The following SMARCA4 variants were observed in gnomAD, a reference collection of about 807,000 sequenced individuals.
SMARCA4 encodes SWI/SNF-related matrix-associated actin-dependent regulator of chromatin subfamily A member 4.
In SMARCA4, 31 loss-of-function variants were observed where a neutral mutation model predicts 193.9. The observed-to-expected ratio is 0.16, with a 90% CI of 0.12 to 0.22. The LOEUF (loss-of-function observed/expected upper bound fraction) is 0.22. Among genes scored for constraint, SMARCA4 ranks in the 10% least tolerant of loss-of-function variants. The pLI is 1.00. For synonymous variants in SMARCA4, 942 were observed against 933.1 expected (o/e 1.01, Z -0.17); for missense variants, 1,148 against 2,296.0 (o/e 0.50, Z 10.22).
rs924876036 is a variant in SMARCA4 at position 10,986,061 on chromosome 19, T to C, written c.356-128T>C. 4 of 821,056 alleles carry C rather than the reference T, an allele frequency of 4.9e-6. No individual in the cohort carries two copies. The highest frequency in any genetic ancestry group is 2.0e-5 in the Admixed American group (1 of 49,756). 50.9% of individuals were successfully genotyped at this position (821,056 alleles called of 1,614,324 possible). On this transcript the variant is annotated intron_variant, in intron 3 of 34. Coordinates refer to ENST00000344626, the MANE Select transcript of SMARCA4 (RefSeq NM_003072.5). This position sits in a 1 kb window ranked among gnomAD's most constrained non-coding sequence, Gnocchi z 6.7. ...GCATGTGCCCTCCAGGTGCCCCTGG[T>C]TGACTCAAGAGAAGGATGCCATTTG...
rs1007241549 is a variant in SMARCA4, at chr19:11,019,091, A to C, written c.2505+68A>C. On this transcript the variant is annotated intron_variant, in intron 17 of 34. Transcript: ENST00000344626. The surrounding 1 kb of genome is among the most constrained non-coding windows in gnomAD (Gnocchi z 6.1). ...GCAGGCGGTGGTGGGCAGGACGTCC[A>C]CACATACCTCTGGACAGTGAACCTG... is the stretch of plus-strand genomic sequence containing the variant. 2.2e-5 allele frequency: 26 copies of C among 1,173,102 alleles called. No individual in the cohort carries two copies. In the Admixed American group the frequency reaches 2.4e-4, roughly 11 times the overall value. 72.7% of individuals were successfully genotyped at this position (1,173,102 alleles called of 1,614,324 possible).
Position 10,974,689 on chromosome 19 carries a change from A to ATTTT in SMARCA4, c.-31-9400_-31-9397dup, listed in dbSNP as rs74182450. On this transcript the variant is annotated intron_variant, in intron 1 of 34. Transcript: ENST00000344626. The stretch of plus-strand genomic sequence containing the variant: ...TGCATATATATATATATATATATAT[A>ATTTT]TTTTTTTTTTTTTTTTTTTTTTTTT... Among the ~76,000 whole-genome samples the ATTTT allele has an allele frequency of 2.2e-4, 8 of 37,170 alleles. 2 individuals are homozygous for ATTTT. Among genetic ancestry groups the ATTTT allele is most frequent in the African/African-American group, 9.0e-4 (6 of 6,660 alleles). The allele number at this position is 37,170 out of a possible 152,430, so 24.4% of individuals were successfully genotyped here. A position where few individuals can be genotyped will look rare whatever the true frequency, so the allele number is the denominator to read the frequency against.
chr19:10,965,970 G>GT (rs372236923), intron 1 of SMARCA4, among the ~76,000 whole-genome samples: 1,032 of 79,000 alleles, frequency 0.013, 124 homozygotes, highest in South Asian at 0.029. Context: ...TAGTGGCATG[G>GT]TTTTTTTTTT....
At chr19:10,981,128 A>G (rs1002721948) in intron 1 of SMARCA4, among the ~76,000 whole-genome samples, 3 of 152,220 alleles carry the variant, frequency 2.0e-5, no homozygotes, top group Non-Finnish European at 4.4e-5. Context: ...ATATCACAGG[A>G]TCTATGAAGT....
chr19:11,046,021 A>G (rs999301039), intron 30 of SMARCA4, among the ~76,000 whole-genome samples: 1 of 152,200 alleles, frequency 6.6e-6, no homozygotes, highest in Non-Finnish European at 1.5e-5. Context: ...CAGGAGATCA[A>G]GACCATGCTG....
At position 10,984,103 on chromosome 19, in the gene SMARCA4, A is replaced by T. The variant is rs1599927422; in HGVS notation, c.-31-18A>T. The T allele has an allele frequency of 1.2e-6, 2 of 1,611,932 alleles. No individual in the cohort carries two copies. The highest frequency in any genetic ancestry group is 1.7e-6 in the Non-Finnish European group (2 of 1,178,810). ...GCCCTTGGTCATGAACCCCAGACTG[A>T]CCAGGACTGTCTTCCAGCAGGAGGC... On this transcript the variant is annotated intron_variant, in intron 1 of 34. Coordinates refer to ENST00000344626, the MANE Select transcript of SMARCA4 (RefSeq NM_003072.5). This position sits in a 1 kb window ranked among gnomAD's most constrained non-coding sequence, Gnocchi z 4.3.
In SMARCA4 at chr19:11,025,456, T is replaced by A. The variant is rs2146497099; in HGVS notation, c.3116T>A (p.Ile1039Asn). The A allele has an allele frequency of 1.2e-6, 2 of 1,610,546 alleles. No homozygotes were observed. Among genetic ancestry groups the A allele is most frequent in the Non-Finnish European group, 1.7e-6 (2 of 1,178,084 alleles). The change falls in exon 22 of 35, where the codon ATC (isoleucine) becomes AAC (asparagine). Residue 1039 changes from isoleucine (I) to asparagine (N), a missense_variant. Ile to Asn is a moderately radical substitution (Grantham distance 149). Coordinates refer to ENST00000344626, the MANE Select transcript of SMARCA4 (RefSeq NM_003072.5). ...GGCACCAAGACCCTGATGAACACCA[T>A]CATGCAGCTGCGGAAGATCTGCAAC... ...KGGTKTLMNT[I>N]MQLRKICNHP...
intron 15 of SMARCA4, 112 bp downstream of exon 15, chr19:11,010,643 T>C (rs2088739900): frequency 9.9e-7 from 1 of 1,009,538 alleles, no homozygotes; most frequent in African/African-American, 1.6e-5. Flanking sequence ...TTGCTCTTTG[T>C]GGGCAATGCA....
rs544551192 is a variant in SMARCA4, at chr19:11,030,902, G to C, written c.3546+9G>C. On this transcript the variant is annotated intron_variant, in intron 25 of 34. Coordinates refer to ENST00000344626, the MANE Select transcript of SMARCA4 (RefSeq NM_003072.5). The surrounding 1 kb of genome is among the most constrained non-coding windows in gnomAD (Gnocchi z 5.5). Reference sequence around the variant, plus strand: ...ACTGGAATCCTCACCAGGTAAAAGCGGGCCGGGCCCCAGGTCGAGGAGAAG... The same window carrying C: ...ACTGGAATCCTCACCAGGTAAAAGCCGGCCGGGCCCCAGGTCGAGGAGAAG... 1.2e-6 allele frequency: 2 copies of C among 1,608,748 alleles called. No homozygotes were observed. Among genetic ancestry groups the C allele is most frequent in the Non-Finnish European group, 1.7e-6 (2 of 1,177,970 alleles).
intron 9 of SMARCA4, chr19:10,995,683 G>C (rs1033904865): frequency 5.4e-6 from 2 of 369,346 alleles, no homozygotes; most frequent in Non-Finnish European, 1.1e-5. Flanking sequence ...GTAGCCCTGG[G>C]CTCCCAGAAC....
At chr19:10,993,178 G>T (rs2145911161) in intron 8 of SMARCA4, among the ~76,000 whole-genome samples, 1 of 151,262 alleles carries the variant, frequency 6.6e-6, no homozygotes, top group South Asian at 2.1e-4. Context: ...TAGAGATGGG[G>T]ATTCACCCTG....
At chr19:11,027,702 C>T (rs942364002) in intron 23 of SMARCA4, 82 bp from the exon 24 acceptor site, 17 of 1,491,006 alleles carry the variant, frequency 1.1e-5, no homozygotes, top group South Asian at 4.5e-5. Flanking sequence ...TGGAGGCGGG[C>T]GATGCACCTC....
In SMARCA4 at chr19:11,018,839, C is replaced by T. The variant is rs1474104893; in HGVS notation, c.2439-118C>T. 1.1e-5 allele frequency: 9 copies of T among 838,960 alleles called. No individual in the cohort carries two copies. In the African/African-American group the frequency reaches 1.3e-4, roughly 12 times the overall value. 52.0% of individuals were successfully genotyped at this position (838,960 alleles called of 1,614,324 possible). On this transcript the variant is annotated intron_variant, in intron 16 of 34. Coordinates refer to ENST00000344626, the MANE Select transcript of SMARCA4 (RefSeq NM_003072.5). ...AGCTGCCCTAAACACAGTTTCTCTG[C>T]CCACTCGGAGGGCTGTGGCCATGTT...
intron 8 of SMARCA4, among the ~76,000 whole-genome samples, chr19:10,992,806 TG>T (rs992873938): frequency 1.3e-5 from 2 of 152,128 alleles, no homozygotes; most frequent in South Asian, 2.1e-4. Flanking sequence ...GCCAGGCTGC[TG>T]GTCTCAGACT....
chr19:11,045,947 G>T (rs2075881274), intron 30 of SMARCA4, among the ~76,000 whole-genome samples: 1 of 152,124 alleles, frequency 6.6e-6, no homozygotes, highest in African/African-American at 2.4e-5. Context: ...AAAAAGTCTG[G>T]GTGTGGTGGC....
Position 10,985,166 on chromosome 19 carries a change from C to T in SMARCA4, c.223-107C>T, listed in dbSNP as rs959068888. On this transcript the variant is annotated intron_variant, in intron 2 of 34. Coordinates refer to ENST00000344626, the MANE Select transcript of SMARCA4 (RefSeq NM_003072.5). The surrounding 1 kb of genome is among the most constrained non-coding windows in gnomAD (Gnocchi z 4.5). ...GGACTGGGGAGATGCGCGTCATCTT[C>T]GGGTGGCTGTTCTCGGTGCCCTCGA... 2.1e-5 allele frequency: 24 copies of T among 1,162,754 alleles called. No homozygotes were observed. The highest frequency in any genetic ancestry group is 9.9e-5 in the South Asian group (8 of 80,412). The allele number at this position is 1,162,754 out of a possible 1,614,324, so 72.0% of individuals were successfully genotyped here. A position where few individuals can be genotyped will look rare whatever the true frequency, so the allele number is the denominator to read the frequency against.
In SMARCA4 at chr19:10,985,253, TG is replaced by T. The variant is rs2085921224; in HGVS notation, c.223-19del. 1.9e-6 allele frequency: 3 copies of T among 1,613,578 alleles called. No homozygotes were observed. The South Asian group carries it at 3.3e-5, about 18-fold the overall frequency. ...CACGTTCCACATGCTGACCCTGCCT[TG>T]CCATGGTCCCTCTCGCAGCCCATGG... On this transcript the variant is annotated intron_variant, in intron 2 of 34. Coordinates refer to ENST00000344626, the MANE Select transcript of SMARCA4 (RefSeq NM_003072.5). The surrounding 1 kb of genome is among the most constrained non-coding windows in gnomAD (Gnocchi z 4.5).
In SMARCA4 at chr19:11,019,779, G is replaced by A; in HGVS notation, c.2616+78G>A. ...GGTCACGCTGCCCGTCTCCTCCAAA[G>A]CCCCTACAAGTTTCTTCCCGGAGTC... On this transcript the variant is annotated intron_variant, in intron 18 of 34. Coordinates refer to ENST00000344626, the MANE Select transcript of SMARCA4 (RefSeq NM_003072.5). The surrounding 1 kb of genome is among the most constrained non-coding windows in gnomAD (Gnocchi z 6.1). The A allele has an allele frequency of 1.0e-6, 1 of 996,492 alleles. No individual in the cohort carries two copies. Among genetic ancestry groups the A allele is most frequent in the East Asian group, 2.5e-5 (1 of 39,708 alleles). 61.7% of individuals were successfully genotyped at this position (996,492 alleles called of 1,614,324 possible). A position where few individuals can be genotyped will look rare whatever the true frequency, so the allele number is the denominator to read the frequency against.
chr19:10,991,768 A>G (rs533897494), intron 8 of SMARCA4, among the ~76,000 whole-genome samples: 9 of 152,326 alleles, frequency 5.9e-5, no homozygotes, highest in East Asian at 3.9e-4. Flanking sequence ...AAGGACCTGC[A>G]TGAGCCAGAG....
Sources: gnomAD v4.1 joint callset for allele counts (sites outside exome capture counted in the v4.1 genomes callset) on GRCh38, gnomAD v4.1.1 for gene constraint, Gnocchi (gnomAD v3.1) non-coding constraint, MANE v1.5 for transcripts, NCBI Gene and HGNC (gene_info 2026-07-23, HGNC 2026-07-21) for gene names.